Variants in DGLUCY observed in about 807,000 individuals in gnomAD.
DGLUCY encodes the protein D-glutamate cyclase, mitochondrial.
DGLUCY carries 58 observed loss-of-function variants against 58.5 expected under a neutral mutation model. That is an observed-to-expected ratio of 0.99 (90% CI 0.80 to 1.23). The LOEUF (loss-of-function observed/expected upper bound fraction) is 1.23. DGLUCY is among the 50% of genes most tolerant of loss of function. The probability of loss-of-function intolerance (pLI) is 0.00; values close to 1 mark genes in which losing one functional copy is unlikely to be tolerated. For synonymous variants in DGLUCY, 325 were observed against 314.1 expected (o/e 1.03, Z -0.37); for missense variants, 779 against 784.7 (o/e 0.99, Z 0.09).
At chr14:91,137,376 G>A (rs1382863492) in intron 1 of DGLUCY, among the ~76,000 whole-genome samples, 1 of 151,624 alleles carries the variant, frequency 6.6e-6, no homozygotes, top group Non-Finnish European at 1.5e-5. Context: ...ATCAGAAAAG[G>A]TAGAGAATTT....
At chr14:91,202,058 A>AAATAATAATAATAATAAT (rs10523866) in intron 11 of DGLUCY, among the ~76,000 whole-genome samples, 15,000 of 142,414 alleles carry the variant, frequency 0.11, 882 homozygotes, top group Middle Eastern at 0.15. Flanking sequence ...TCTGTCTCAA[A>AAATAATAATAATAATAAT]AATAATAATA....
intron 8 of DGLUCY, among the ~76,000 whole-genome samples, chr14:91,185,272 T>G (rs557824037): frequency 5.8e-5 from 1 of 17,188 alleles, no homozygotes. Context: ...CCCAGCCGGA[T>G]TTTTTTTTTT....
intron 4 of DGLUCY, chr14:91,167,724 C>G (rs556426640): frequency 4.3e-6 from 3 of 696,256 alleles, no homozygotes; most frequent in Non-Finnish European, 7.9e-6. Flanking sequence ...ATTACCAACA[C>G]CCAGAGACAG....
chr14:91,205,975 G>A (rs1466488427), intron 12 of DGLUCY, among the ~76,000 whole-genome samples: 1 of 150,598 alleles, frequency 6.6e-6, no homozygotes, highest in Non-Finnish European at 1.5e-5. Context: ...GAGTAGCTGG[G>A]ATTACAGGTA....
intron 8 of DGLUCY, among the ~76,000 whole-genome samples, chr14:91,185,940 A>T (rs926736021): frequency 6.6e-6 from 1 of 152,158 alleles, no homozygotes; most frequent in Non-Finnish European, 1.5e-5. Context: ...TTTGATCCCC[A>T]CTATATTAAA....
At chr14:91,180,761 A>G (rs1215119617) in intron 7 of DGLUCY, among the ~76,000 whole-genome samples, 1 of 152,216 alleles carries the variant, frequency 6.6e-6, no homozygotes, top group Non-Finnish European at 1.5e-5. Flanking sequence ...AAGGAAAAAT[A>G]GAAACGATGC....
intron 1 of DGLUCY, among the ~76,000 whole-genome samples, chr14:91,079,912 C>T (rs2044095809): frequency 6.6e-6 from 1 of 152,196 alleles, no homozygotes; most frequent in Non-Finnish European, 1.5e-5. Flanking sequence ...ACCCTATCTA[C>T]ACCCAAAACA....
intron 1 of DGLUCY, among the ~76,000 whole-genome samples, chr14:91,089,117 G>A (rs1033872623): frequency 2.0e-5 from 3 of 152,164 alleles, no homozygotes; most frequent in African/African-American, 7.2e-5. Context: ...TTCTCATCAT[G>A]GTTCCCTAGA....
At chr14:91,069,369 G>A (rs569401627) in intron 1 of DGLUCY, among the ~76,000 whole-genome samples, 141 of 152,176 alleles carry the variant, frequency 9.3e-4, no homozygotes, top group African/African-American at 3.3e-3. Flanking sequence ...TCCACCTTCC[G>A]GGTTCAAGCG....
chr14:91,065,209 G>A (rs988399525), intron 1 of DGLUCY, among the ~76,000 whole-genome samples: 13 of 152,202 alleles, frequency 8.5e-5, no homozygotes, highest in African/African-American at 3.1e-4. Context: ...ATCTATCCAG[G>A]CAGCTTGTAT....
intron 10 of DGLUCY, among the ~76,000 whole-genome samples, chr14:91,198,906 G>C (rs541927021): frequency 1.3e-4 from 20 of 152,292 alleles, no homozygotes; most frequent in African/African-American, 4.8e-4. Context: ...CCTGGAATCA[G>C]AACCCAGATG....
chr14:91,188,190 G>A (rs573051580), intron 8 of DGLUCY, among the ~76,000 whole-genome samples: 14 of 152,242 alleles, frequency 9.2e-5, no homozygotes, highest in East Asian at 1.9e-4. Flanking sequence ...CAGGTCTGCC[G>A]TTACATCCTG....
intron 1 of DGLUCY, among the ~76,000 whole-genome samples, chr14:91,086,129 G>A (rs2044214153): frequency 6.6e-6 from 1 of 152,188 alleles, no homozygotes; most frequent in African/African-American, 2.4e-5. Flanking sequence ...AGAATCTAAT[G>A]CCTGATGATC....
chr14:91,222,386 C>T (rs1415906835), intron 13 of DGLUCY, among the ~76,000 whole-genome samples: 1 of 152,180 alleles, frequency 6.6e-6, no homozygotes, highest in African/African-American at 2.4e-5. Context: ...GAGGAAATGG[C>T]CCCAGGAGTC....
At chr14:91,175,871 C>T (rs2048824256) in intron 6 of DGLUCY, 63 bp from the exon 7 acceptor site, 1 of 1,581,634 alleles carries the variant, frequency 6.3e-7, no homozygotes, top group Non-Finnish European at 8.7e-7. Context: ...CCATAAACTA[C>T]TCAACCAGTT....
At chr14:91,098,083 C>T (rs1203979771) in intron 1 of DGLUCY, among the ~76,000 whole-genome samples, 1 of 152,184 alleles carries the variant, frequency 6.6e-6, no homozygotes, top group African/African-American at 2.4e-5. Context: ...CCACAGGCCA[C>T]CATTATGTAG....
chr14:91,105,849 G>A (rs1038850631), upstream of DGLUCY, among the ~76,000 whole-genome samples: 8 of 152,142 alleles, frequency 5.3e-5, no homozygotes, highest in Non-Finnish European at 8.8e-5. Flanking sequence ...CATAGGCTAC[G>A]ACACATCTAG....
intron 1 of DGLUCY, among the ~76,000 whole-genome samples, chr14:91,121,606 CAAAAAT>C (rs1228986264): frequency 2.3e-5 from 2 of 85,766 alleles, no homozygotes; most frequent in Admixed American, 1.7e-4. Flanking sequence ...GACTCCATCT[CAAAAAT>C]AATAATAATA....
intron 1 of DGLUCY, among the ~76,000 whole-genome samples, chr14:91,108,557 GAGAC>G (rs2044640122): frequency 6.7e-6 from 1 of 149,130 alleles, no homozygotes; most frequent in African/African-American, 2.5e-5. Context: ...GAGAGAGAGA[GAGAC>G]AGAGTTTTGC....
Sources: gnomAD v4.1 joint callset for allele counts (sites outside exome capture counted in the v4.1 genomes callset) on GRCh38, gnomAD v4.1.1 for gene constraint, MANE v1.5 for transcripts, NCBI Gene and HGNC (gene_info 2026-07-23, HGNC 2026-07-21) for gene names.